CADPS2: variants seen among roughly 807,000 people sequenced by gnomAD.
CADPS2 encodes the protein calcium-dependent secretion activator 2.
In CADPS2, 93 loss-of-function variants were observed where a neutral mutation model predicts 172.5. The ratio of observed to expected loss-of-function variants is 0.54; its 90% CI spans 0.46 to 0.64. CADPS2 has a LOEUF of 0.64. Ranked by LOEUF, CADPS2 falls within the 30% of genes least tolerant of loss-of-function variation. The probability of loss-of-function intolerance (pLI) is 0.00; values close to 1 mark genes in which losing one functional copy is unlikely to be tolerated. For missense variants in CADPS2, 1,420 were observed against 1,565.9 expected, an observed-to-expected ratio of 0.91 and a Z score of 1.57; for synonymous variants, 546 against 555.2, an observed-to-expected ratio of 0.98 and a Z score of 0.23.
chr7:122,673,119 G>T (rs949251157), intron 2 of CADPS2, among the ~76,000 whole-genome samples: 1 of 152,230 alleles, frequency 6.6e-6, no homozygotes. Context: ...CAGGAGTGAA[G>T]TTGCAGACCT....
At chr7:122,818,304 A>C (rs1217623071) in intron 1 of CADPS2, among the ~76,000 whole-genome samples, 2 of 152,118 alleles carry the variant, frequency 1.3e-5, no homozygotes, top group African/African-American at 4.8e-5. Context: ...ACTTGACCCC[A>C]ATACAAACTC....
At chr7:122,553,837 C>T (rs2064647377) in intron 8 of CADPS2, among the ~76,000 whole-genome samples, 1 of 152,124 alleles carries the variant, frequency 6.6e-6, no homozygotes, top group African/African-American at 2.4e-5. Flanking sequence ...TTCCTAATGG[C>T]TAATACCCCT....
chr7:122,709,302 A>G (rs901329432), intron 2 of CADPS2, among the ~76,000 whole-genome samples: 4 of 152,152 alleles, frequency 2.6e-5, no homozygotes, highest in Admixed American at 6.6e-5. Flanking sequence ...AGACACATGA[A>G]AAAATGCTCA....
intron 4 of CADPS2, among the ~76,000 whole-genome samples, chr7:122,623,777 A>G (rs1208596257): frequency 6.6e-6 from 1 of 152,196 alleles, no homozygotes; most frequent in Non-Finnish European, 1.5e-5. Flanking sequence ...TTATATGAAA[A>G]TCACAATTCT....
intron 2 of CADPS2, among the ~76,000 whole-genome samples, chr7:122,689,638 A>G (rs902124022): frequency 6.6e-6 from 1 of 152,174 alleles, no homozygotes; most frequent in African/African-American, 2.4e-5. Flanking sequence ...GTACAGTCCA[A>G]TTGGCTGGCA....
chr7:122,643,987 G>T (rs2078000810), intron 3 of CADPS2, among the ~76,000 whole-genome samples: 1 of 152,028 alleles, frequency 6.6e-6, no homozygotes, highest in African/African-American at 2.4e-5. Flanking sequence ...TACTCCAGAG[G>T]CTGAGGCATG....
chr7:122,510,669 G>GTA (rs1332775704), intron 9 of CADPS2, among the ~76,000 whole-genome samples: 2 of 152,150 alleles, frequency 1.3e-5, no homozygotes, highest in East Asian at 3.9e-4. Context: ...CACAGCAGGG[G>GTA]TATACTGTCC....
chr7:122,714,252 C>T (rs921039200), intron 2 of CADPS2, among the ~76,000 whole-genome samples: 3 of 151,982 alleles, frequency 2.0e-5, no homozygotes, highest in African/African-American at 4.8e-5. Context: ...CCATAAAAAT[C>T]GAGAAGCAAA....
intron 1 of CADPS2, among the ~76,000 whole-genome samples, chr7:122,785,608 T>A (rs1468865446): frequency 2.0e-5 from 3 of 152,190 alleles, no homozygotes; most frequent in Admixed American, 1.3e-4. Context: ...CTTTTTGCTC[T>A]CAGGTCTCCC....
At chr7:122,563,093 T>C (rs747407373) in intron 7 of CADPS2, among the ~76,000 whole-genome samples, 2 of 152,166 alleles carry the variant, frequency 1.3e-5, no homozygotes, top group Non-Finnish European at 2.9e-5. Context: ...GGATAGTGTC[T>C]TTTATTAATA....
chr7:122,416,198 G>T, intron 17 of CADPS2, 34 bp from the exon 18 acceptor site: 1 of 1,319,194 alleles, frequency 7.6e-7, no homozygotes, highest in Non-Finnish European at 1.0e-6. Context: ...ATGTTACCTT[G>T]AAAATAAAAA....
At chr7:122,415,969 C>A in intron 18 of CADPS2, 92 bp downstream of exon 18, 1 of 668,768 alleles carries the variant, frequency 1.5e-6, no homozygotes, top group Non-Finnish European at 2.4e-6. Flanking sequence ...AGATATGTAT[C>A]AAGACTATGG....
intron 29 of CADPS2, among the ~76,000 whole-genome samples, chr7:122,323,943 T>A (rs2033263567): frequency 6.8e-6 from 1 of 147,230 alleles, no homozygotes; most frequent in Admixed American, 6.8e-5. Context: ...TTATCCTGAC[T>A]CTCTTTTCTG....
chr7:122,730,481 T>G (rs1588832886), intron 2 of CADPS2, among the ~76,000 whole-genome samples: 1 of 151,732 alleles, frequency 6.6e-6, no homozygotes, highest in Admixed American at 6.6e-5. Context: ...GAACAATTAT[T>G]TCAGCATTTA....
chr7:122,531,427 G>A (rs193136696), intron 8 of CADPS2, among the ~76,000 whole-genome samples: 2 of 152,282 alleles, frequency 1.3e-5, no homozygotes, highest in Non-Finnish European at 2.9e-5. Context: ...CCAGAGGTTT[G>A]AAGTTCTTCT....
intron 7 of CADPS2, among the ~76,000 whole-genome samples, chr7:122,570,104 A>C (rs1173752094): frequency 1.3e-5 from 2 of 149,904 alleles, no homozygotes; most frequent in Non-Finnish European, 3.0e-5. Flanking sequence ...CAACCTACAG[A>C]ATGGGAGAAA....
chr7:122,714,053 G>A (rs2089217399), intron 2 of CADPS2, among the ~76,000 whole-genome samples: 1 of 152,060 alleles, frequency 6.6e-6, no homozygotes, highest in Non-Finnish European at 1.5e-5. Flanking sequence ...TGTCACCAAT[G>A]ATTCAAATTT....
Position 122,491,340 on chromosome 7 carries a change from A to G in CADPS2, c.1623T>C (p.Tyr541=), listed in dbSNP as rs1359176965. The G allele has an allele frequency of 1.2e-6, 2 of 1,611,246 alleles. No homozygotes were observed. Among genetic ancestry groups the G allele is most frequent in the Non-Finnish European group, 1.7e-6 (2 of 1,178,460 alleles). The change falls in exon 10 of 30, where the codon TAT becomes TAC. Residue 541 remains tyrosine (Y), a synonymous_variant. Coordinates refer to ENST00000449022, the MANE Select transcript of CADPS2 (RefSeq NM_017954.11). ...GGTGGGGATCGGTATAATCCACAGTATAGCCTTCAAGCTGCATTAATTCTT... is the reference window on the plus strand; with the variant it reads ...GGTGGGGATCGGTATAATCCACAGTGTAGCCTTCAAGCTGCATTAATTCTT... The part of the protein sequence containing the change: ...EPQELMQLEG[Y]TVDYTDPHPG...
At chr7:122,675,147 T>C (rs1298720683) in intron 2 of CADPS2, among the ~76,000 whole-genome samples, 1 of 152,190 alleles carries the variant, frequency 6.6e-6, no homozygotes, top group African/African-American at 2.4e-5. Flanking sequence ...CTCTAAGACA[T>C]GAACTGTTTT....
Sources: gnomAD v4.1 joint callset for allele counts (sites outside exome capture counted in the v4.1 genomes callset) on GRCh38, gnomAD v4.1.1 for gene constraint, MANE v1.5 for transcripts, NCBI Gene and HGNC (gene_info 2026-07-23, HGNC 2026-07-21) for gene names.